The following LUZP2 variants were observed in gnomAD, a reference collection of about 807,000 sequenced individuals.
LUZP2 encodes leucine zipper protein 2.
A neutral mutation model predicts 51.6 loss-of-function variants in LUZP2; 52 were observed. That is an observed-to-expected ratio of 1.01 (90% CI 0.81 to 1.27). LUZP2 has a LOEUF of 1.27. Among genes scored for constraint, LUZP2 ranks in the 50% most tolerant of loss-of-function variants. LUZP2 has a pLI of 0.00. For synonymous variants in LUZP2, 154 were observed against 137.3 expected (o/e 1.12, Z -0.85); for missense variants, 436 against 395.4 (o/e 1.10, Z -0.87).
intron 7 of LUZP2, among the ~76,000 whole-genome samples, chr11:24,942,948 A>G (rs1854795402): frequency 6.6e-6 from 1 of 152,160 alleles, no homozygotes; most frequent in Non-Finnish European, 1.5e-5. Context: ...TAATGAGATC[A>G]GTTACATCAT....
chr11:24,779,878 A>G (rs1440693619), intron 5 of LUZP2, among the ~76,000 whole-genome samples: 5 of 152,040 alleles, frequency 3.3e-5, no homozygotes, highest in African/African-American at 4.8e-5. Context: ...GGTGAGAGAA[A>G]TTTGAAGATG....
chr11:24,498,977 C>T (rs1053001414), intron 1 of LUZP2, among the ~76,000 whole-genome samples: 1 of 152,096 alleles, frequency 6.6e-6, no homozygotes. Flanking sequence ...TAGTCTCTAG[C>T]GTCCAAAGAT....
chr11:24,512,455 A>T (rs1394331715), intron 1 of LUZP2, among the ~76,000 whole-genome samples: 1 of 152,218 alleles, frequency 6.6e-6, no homozygotes, highest in African/African-American at 2.4e-5. Context: ...TACATATTTT[A>T]TTGCTGAAGC....
chr11:24,520,174 G>C (rs1471261138), intron 1 of LUZP2, among the ~76,000 whole-genome samples: 1 of 152,140 alleles, frequency 6.6e-6, no homozygotes, highest in African/African-American at 2.4e-5. Context: ...GGGAAATCAG[G>C]TAGAAAGACA....
chr11:24,681,266 C>T (rs1406999055), intron 1 of LUZP2, among the ~76,000 whole-genome samples: 2 of 152,158 alleles, frequency 1.3e-5, no homozygotes, highest in Non-Finnish European at 2.9e-5. Flanking sequence ...CAGGTGTGAG[C>T]CACCGCGCCC....
chr11:24,902,286 T>G (rs1853303521), intron 5 of LUZP2, among the ~76,000 whole-genome samples: 1 of 152,120 alleles, frequency 6.6e-6, no homozygotes, highest in Admixed American at 6.6e-5. Context: ...TACCCAATAG[T>G]TATTTTTTCT....
intron 5 of LUZP2, among the ~76,000 whole-genome samples, chr11:24,801,246 G>T (rs987783766): frequency 6.6e-6 from 1 of 151,924 alleles, no homozygotes; most frequent in Non-Finnish European, 1.5e-5. Flanking sequence ...GTTGGTGAGG[G>T]AATACCATCT....
intron 5 of LUZP2, among the ~76,000 whole-genome samples, chr11:24,867,480 T>A (rs1347175755): frequency 3.3e-5 from 5 of 152,184 alleles, no homozygotes; most frequent in Non-Finnish European, 7.3e-5. Flanking sequence ...GTTTTCTTGT[T>A]CAGAAACTGC....
intron 1 of LUZP2, among the ~76,000 whole-genome samples, chr11:24,691,498 C>A (rs1250564238): frequency 6.9e-6 from 1 of 144,690 alleles, no homozygotes. Flanking sequence ...TTCAAAGTAA[C>A]CCCTGTATTT....
intron 1 of LUZP2, among the ~76,000 whole-genome samples, chr11:24,587,006 T>C (rs2133833639): frequency 6.6e-6 from 1 of 152,202 alleles, no homozygotes; most frequent in African/African-American, 2.4e-5. Context: ...CTCAAATAAT[T>C]TTTTTAAAAA....
chr11:24,919,663 T>C (rs989661986), intron 7 of LUZP2, among the ~76,000 whole-genome samples: 1 of 148,938 alleles, frequency 6.7e-6, no homozygotes, highest in Non-Finnish European at 1.5e-5. Context: ...TATACATGCA[T>C]ACATATATAT....
chr11:24,896,778 T>G (rs866959740), intron 5 of LUZP2, among the ~76,000 whole-genome samples: 31 of 152,308 alleles, frequency 2.0e-4, no homozygotes, highest in Middle Eastern at 6.8e-3. Flanking sequence ...GGTGGGAACT[T>G]GGAGAACTTT....
intron 7 of LUZP2, among the ~76,000 whole-genome samples, chr11:24,964,451 A>G (rs1855522722): frequency 6.6e-6 from 1 of 152,170 alleles, no homozygotes; most frequent in South Asian, 2.1e-4. Flanking sequence ...TAGTTAAGGT[A>G]GTATTAATTT....
intron 9 of LUZP2, among the ~76,000 whole-genome samples, chr11:25,034,307 T>C (rs922901258): frequency 1.3e-5 from 2 of 152,200 alleles, no homozygotes; most frequent in African/African-American, 2.4e-5. Context: ...AATTTCCATA[T>C]AGATTCTGGA....
chr11:25,042,147 T>C (rs1858084195), intron 9 of LUZP2, among the ~76,000 whole-genome samples: 1 of 152,110 alleles, frequency 6.6e-6, no homozygotes, highest in Non-Finnish European at 1.5e-5. Flanking sequence ...TGTTATATAT[T>C]AAAAATATGC....
chr11:24,557,145 A>G (rs752134040), intron 1 of LUZP2, among the ~76,000 whole-genome samples: 2 of 150,942 alleles, frequency 1.3e-5, no homozygotes, highest in Non-Finnish European at 3.0e-5. Context: ...ATTGTGTTAT[A>G]GCTGATGACT....
chr11:24,790,287 A>G (rs996611639), intron 5 of LUZP2, among the ~76,000 whole-genome samples: 5 of 152,136 alleles, frequency 3.3e-5, no homozygotes, highest in African/African-American at 4.8e-5. Context: ...TGAAAAAAAT[A>G]CATTTTTTCT....
At chr11:24,728,748 A>G (rs962216037) in intron 1 of LUZP2, among the ~76,000 whole-genome samples, 1 of 151,976 alleles carries the variant, frequency 6.6e-6, no homozygotes, top group Non-Finnish European at 1.5e-5. Context: ...GAAAAATTCA[A>G]CATTTATTTT....
intron 10 of LUZP2, among the ~76,000 whole-genome samples, chr11:25,051,008 GACA>G (rs1481864405): frequency 6.6e-6 from 1 of 152,156 alleles, no homozygotes; most frequent in African/African-American, 2.4e-5. Flanking sequence ...AACAGCAAAT[GACA>G]ACAATTGTGT....
Sources: gnomAD v4.1 joint callset for allele counts (sites outside exome capture counted in the v4.1 genomes callset) on GRCh38, gnomAD v4.1.1 for gene constraint, MANE v1.5 for transcripts, NCBI Gene and HGNC (gene_info 2026-07-23, HGNC 2026-07-21) for gene names.